FAM13A: variants seen among roughly 807,000 people sequenced by gnomAD.
FAM13A encodes protein FAM13A.
In FAM13A, 76 loss-of-function variants were observed where a neutral mutation model predicts 129.6. That is an observed-to-expected ratio of 0.59 (90% CI 0.49 to 0.71). FAM13A has a LOEUF of 0.71. FAM13A is among the 30% of genes least tolerant of loss of function. The probability of loss-of-function intolerance (pLI) is 0.00; values close to 1 mark genes in which losing one functional copy is unlikely to be tolerated. For synonymous variants in FAM13A, 443 were observed against 449.9 expected (o/e 0.98, Z 0.20); for missense variants, 1,108 against 1,249.3 (o/e 0.89, Z 1.70).
intron 8 of FAM13A, among the ~76,000 whole-genome samples, chr4:88,796,316 A>G (rs951629810): frequency 3.9e-5 from 6 of 151,920 alleles, no homozygotes; most frequent in Non-Finnish European, 7.4e-5. Context: ...TTTGTCATTA[A>G]TTACACTGTG....
rs1336664287 is a variant in FAM13A at position 88,749,761 on chromosome 4, G to C, written c.2079+10C>G. The C allele has an allele frequency of 3.7e-6, 6 of 1,613,462 alleles. No homozygotes were observed. The highest frequency in any genetic ancestry group is 1.3e-5 in the African/African-American group (1 of 74,968). ...ATGAGGCGAAAAGAACAGTGTGAGG[G>C]GACACTTACTCTGTACTTCTTCTCT... is the stretch of plus-strand genomic sequence containing the variant. On this transcript the variant is annotated intron_variant, in intron 16 of 23. Coordinates refer to ENST00000264344, the MANE Select transcript of FAM13A (RefSeq NM_014883.4).
At chr4:89,027,664 C>T (rs191319163) in intron 2 of FAM13A, among the ~76,000 whole-genome samples, 4 of 152,216 alleles carry the variant, frequency 2.6e-5, no homozygotes, top group Non-Finnish European at 4.4e-5. Flanking sequence ...TTCTCTTTGG[C>T]ATATCCGAAT....
chr4:88,822,929 A>T, intron 7 of FAM13A: 1 of 1,603,886 alleles, frequency 6.2e-7, no homozygotes, highest in Non-Finnish European at 8.5e-7. Flanking sequence ...GGCTTGATAC[A>T]ACTCAAAAAA....
At chr4:89,043,367 A>G (rs189660798) in intron 1 of FAM13A, among the ~76,000 whole-genome samples, 1 of 152,178 alleles carries the variant, frequency 6.6e-6, no homozygotes, top group African/African-American at 2.4e-5. Context: ...CCAGCTTCTG[A>G]GAGGCAAAGG....
chr4:88,991,701 C>T (rs942203726), intron 3 of FAM13A, among the ~76,000 whole-genome samples: 56 of 152,280 alleles, frequency 3.7e-4, no homozygotes, highest in Middle Eastern at 3.4e-3. Context: ...GGATGCTAAA[C>T]TTAGTGATCA....
At chr4:88,919,735 C>G (rs571530766) in intron 5 of FAM13A, among the ~76,000 whole-genome samples, 1 of 152,332 alleles carries the variant, frequency 6.6e-6, no homozygotes, top group South Asian at 2.1e-4. Flanking sequence ...CGAGCTGAAG[C>G]AGGGCAAGGC....
At chr4:88,805,137 A>G (rs1174713750) in intron 7 of FAM13A, 85 bp from the exon 8 acceptor site, 5 of 760,988 alleles carry the variant, frequency 6.6e-6, no homozygotes, top group South Asian at 1.5e-5. Flanking sequence ...CCTGTAAAAA[A>G]TGTTGATTTA....
At chr4:89,045,071 A>G (rs571042516) in intron 1 of FAM13A, among the ~76,000 whole-genome samples, 70 of 152,306 alleles carry the variant, frequency 4.6e-4, no homozygotes, top group Non-Finnish European at 8.5e-4. Flanking sequence ...AAAATAGTAA[A>G]TTTTATGTTA....
chr4:88,896,942 C>T (rs939840731), intron 6 of FAM13A, among the ~76,000 whole-genome samples: 3 of 152,110 alleles, frequency 2.0e-5, no homozygotes, highest in African/African-American at 4.8e-5. Context: ...AATGACCTAC[C>T]TTGAGTTTTT....
At chr4:88,799,511 A>G (rs1436055668) in intron 8 of FAM13A, among the ~76,000 whole-genome samples, 1 of 150,034 alleles carries the variant, frequency 6.7e-6, no homozygotes, top group African/African-American at 2.5e-5. Flanking sequence ...TATTAGACAG[A>G]GTCTTGCTCT....
intron 10 of FAM13A, among the ~76,000 whole-genome samples, chr4:88,782,655 T>G (rs1723175260): frequency 6.6e-6 from 1 of 152,168 alleles, no homozygotes; most frequent in East Asian, 1.9e-4. Flanking sequence ...CACTCCATAT[T>G]TTAGTCTTTT....
At chr4:88,789,861 G>A (rs1724768234) in intron 9 of FAM13A, among the ~76,000 whole-genome samples, 1 of 152,106 alleles carries the variant, frequency 6.6e-6, no homozygotes. Flanking sequence ...CCAATACAAA[G>A]GCTCTGAGGC....
chr4:88,929,569 C>T (rs893251891), intron 5 of FAM13A, among the ~76,000 whole-genome samples: 3 of 151,982 alleles, frequency 2.0e-5, no homozygotes, highest in East Asian at 3.9e-4. Flanking sequence ...GTCTTGAAGG[C>T]TTTGTTCATC....
At chr4:89,005,073 C>G (rs1764822873) in intron 3 of FAM13A, among the ~76,000 whole-genome samples, 1 of 151,858 alleles carries the variant, frequency 6.6e-6, no homozygotes, top group Admixed American at 6.6e-5. Context: ...CACTCACACT[C>G]CATCCTCAAG....
chr4:88,772,507 T>C (rs998388838), intron 11 of FAM13A, among the ~76,000 whole-genome samples: 18 of 152,158 alleles, frequency 1.2e-4, no homozygotes, highest in African/African-American at 4.1e-4. Context: ...TGTTCTCCAA[T>C]GGGATGCGAG....
intron 4 of FAM13A, among the ~76,000 whole-genome samples, chr4:88,945,990 G>GTGTGTGTGTGTGTGTGTATATATA: frequency 3.2e-5 from 2 of 61,964 alleles, no homozygotes; most frequent in Non-Finnish European, 2.9e-5. Context: ...GTGTGTGTGT[G>GTGTGTGTGTGTGTGTGTATATATA]TATATATATA....
chr4:88,911,349 A>G (rs569144801), intron 5 of FAM13A, among the ~76,000 whole-genome samples: 133 of 152,322 alleles, frequency 8.7e-4, no homozygotes, highest in Middle Eastern at 3.4e-3. Flanking sequence ...TTGGTTTCAC[A>G]TTAAATTTAT....
chr4:88,970,650 A>T (rs548410322), intron 4 of FAM13A, among the ~76,000 whole-genome samples: 2 of 152,074 alleles, frequency 1.3e-5, no homozygotes, highest in African/African-American at 4.8e-5. Context: ...AAAGTAAACA[A>T]CTATATATTT....
At chr4:88,916,552 T>A (rs1033856427) in intron 5 of FAM13A, among the ~76,000 whole-genome samples, 1 of 152,198 alleles carries the variant, frequency 6.6e-6, no homozygotes, top group African/African-American at 2.4e-5. Context: ...AGTCTTGACT[T>A]AGAGAGGCTC....
Sources: allele counts gnomAD v4.1 joint callset (sites outside exome capture counted in the v4.1 genomes callset), GRCh38; gene constraint gnomAD v4.1.1; transcripts MANE v1.5; gene names NCBI Gene and HGNC (gene_info 2026-07-23, HGNC 2026-07-21).